The following KDM3B variants were observed in gnomAD, a reference collection of about 807,000 sequenced individuals.
KDM3B encodes the protein lysine demethylase 3B, also known as lysine-specific demethylase 3B.
In KDM3B, 10 loss-of-function variants were observed where a neutral mutation model predicts 170.0. The ratio of observed to expected loss-of-function variants is 0.06; its 90% CI spans 0.04 to 0.10. KDM3B has a LOEUF of 0.10. Ranked by LOEUF, KDM3B falls within the 10% of genes least tolerant of loss-of-function variation. The probability of loss-of-function intolerance (pLI) is 1.00; values close to 1 mark genes in which losing one functional copy is unlikely to be tolerated. For synonymous variants in KDM3B, 831 were observed against 834.8 expected, an observed-to-expected ratio of 1.00 and a Z score of 0.08; for missense variants, 1,394 against 2,195.2, an observed-to-expected ratio of 0.64 and a Z score of 7.29.
intron 6 of KDM3B, 109 bp downstream of exon 6, chr5:138,381,699 C>T (rs1297483330): frequency 1.5e-6 from 1 of 667,450 alleles, no homozygotes; most frequent in African/African-American, 1.8e-5. Context: ...AGTTGTTCAG[C>T]TTTAGCCACT....
chr5:138,414,906 A>G (rs1315012881), intron 11 of KDM3B, among the ~76,000 whole-genome samples: 2 of 152,230 alleles, frequency 1.3e-5, no homozygotes, highest in Non-Finnish European at 2.9e-5. Context: ...GCGGTGAGCC[A>G]TGATCAAGCC....
rs1580958560 is a variant in KDM3B, at chr5:138,428,062, A to C, written c.4729A>C (p.Ile1577Leu). Residue 1577 changes from isoleucine to leucine, a missense_variant, in exon 20 of 24, where the codon ATC becomes CTC. By Grantham distance (5) the Ile-to-Leu change is conservative (BLOSUM62 2). This residue lies in a region of KDM3B where 79 missense variants were observed against 270.5 expected (regional missense o/e 0.29). Transcript: ENST00000314358. ...TGTGATGGTGTATGTTGGGATTCCC[A>C]TCGGGGAGGGTGCTCATGATGAAGG... ...VNVMVYVGIP[I>L]GEGAHDEEVL... The C allele has an allele frequency of 6.2e-7, 1 of 1,613,902 alleles. No homozygotes were observed. The highest frequency in any genetic ancestry group is 1.3e-5 in the African/African-American group (1 of 74,944).
chr5:138,428,286 G>T (rs944370113), intron 20 of KDM3B, among the ~76,000 whole-genome samples, 200 bp downstream of exon 20: 3 of 151,110 alleles, frequency 2.0e-5, no homozygotes, highest in Non-Finnish European at 4.4e-5. Flanking sequence ...TTGGCTCACC[G>T]CAACCTCCGC....
At position 138,415,251 on chromosome 5, in the gene KDM3B, C is replaced by T. The variant is rs1273105999; in HGVS notation, c.3307+12C>T. ...TATTCCTGGCACAGGTAAGGAAATT[C>T]CTTTTTTAGATTTGGTGGAAGAAAT... On this transcript the variant is annotated intron_variant, in intron 12 of 23. Transcript: ENST00000314358. The T allele has an allele frequency of 3.2e-6, 5 of 1,552,776 alleles. No individual in the cohort carries two copies. The highest frequency in any genetic ancestry group is 2.2e-5 in the East Asian group (1 of 44,564).
At chr5:138,414,261 G>A (rs1173575145) in intron 11 of KDM3B, among the ~76,000 whole-genome samples, 1 of 152,126 alleles carries the variant, frequency 6.6e-6, no homozygotes, top group Non-Finnish European at 1.5e-5. Context: ...CGCCTCCTGG[G>A]TTCACGCCAT....
chr5:138,416,298 C>T (rs1763101639), intron 12 of KDM3B, among the ~76,000 whole-genome samples: 1 of 151,958 alleles, frequency 6.6e-6, no homozygotes, highest in African/African-American at 2.4e-5. Context: ...CTTAAGAAAG[C>T]TTTGCCACAG....
intron 1 of KDM3B, among the ~76,000 whole-genome samples, chr5:138,363,122 C>T (rs1057466859): frequency 9.9e-5 from 15 of 152,008 alleles, no homozygotes; most frequent in African/African-American, 2.7e-4. Flanking sequence ...GGAAAGTCTT[C>T]CATCCTCCAC....
At position 138,393,313 on chromosome 5, in the gene KDM3B, G is replaced by T; in HGVS notation, c.2772G>T (p.Lys924Asn). The T allele has an allele frequency of 6.2e-7, 1 of 1,614,206 alleles. No homozygotes were observed. The highest frequency in any genetic ancestry group is 8.5e-7 in the Non-Finnish European group (1 of 1,180,046). The change falls in exon 9 of 24, where the codon AAG (lysine) becomes AAT (asparagine). Residue 924 changes from lysine (K) to asparagine (N), a missense_variant. Transcript: ENST00000314358. ...CRECRLERYR[K>N]FKEQEQDDST... is the part of the protein sequence containing the mutation. ...AATGCCGCCTGGAGCGGTACCGGAA[G>T]TTTAAGGAACAGGAGCAAGATGATT...
chr5:138,416,277 A>G (rs1763101198), intron 12 of KDM3B, among the ~76,000 whole-genome samples: 1 of 151,830 alleles, frequency 6.6e-6, no homozygotes, highest in East Asian at 2.0e-4. Flanking sequence ...TACTGCCTAT[A>G]TTATCCTCCA....
rs891837073 is a variant in KDM3B at position 138,392,328 on chromosome 5, G to T, written c.2629+67G>T. ...GGGCTCAAATGCCTGTCGTGTTCTTGTGCAGCAGAGGCACTCACTTTGATG... is the reference window on the plus strand; with the variant it reads ...GGGCTCAAATGCCTGTCGTGTTCTTTTGCAGCAGAGGCACTCACTTTGATG... On this transcript the variant is annotated intron_variant, in intron 8 of 23. Transcript: ENST00000314358. The T allele has an allele frequency of 4.3e-6, 6 of 1,403,340 alleles. No homozygotes were observed. In the African/African-American group the frequency reaches 4.3e-5, roughly 10 times the overall value. 86.9% of individuals were successfully genotyped at this position (1,403,340 alleles called of 1,614,324 possible).
chr5:138,383,031 C>T (rs566460198), intron 6 of KDM3B, among the ~76,000 whole-genome samples: 133 of 152,270 alleles, frequency 8.7e-4, no homozygotes, highest in Non-Finnish European at 1.1e-3. Context: ...GAGTAGCTCA[C>T]TGTAAGTAGG....
rs933663498 is a variant in KDM3B at position 138,423,968 on chromosome 5, A to G, written c.3973-107A>G. 4 of 1,068,016 alleles carry G rather than the reference A, an allele frequency of 3.7e-6. No homozygotes were observed. The African/African-American group carries it at 6.3e-5, about 17-fold the overall frequency. 66.2% of individuals were successfully genotyped at this position (1,068,016 alleles called of 1,614,324 possible). On this transcript the variant is annotated intron_variant, in intron 15 of 23. Transcript: ENST00000314358. Reference sequence around the variant, plus strand: ...CATTTTAATAATTTTTGTAGAATTTAATCAGACAGGTCAGAACTCCTTGTG... The same window carrying G: ...CATTTTAATAATTTTTGTAGAATTTGATCAGACAGGTCAGAACTCCTTGTG...
chr5:138,434,260 A>C (rs1021774303), intron 23 of KDM3B, among the ~76,000 whole-genome samples: 1 of 151,876 alleles, frequency 6.6e-6, no homozygotes, highest in African/African-American at 2.4e-5. Context: ...CTTTATTTAA[A>C]AACAACAGGC....
At chr5:138,430,648 T>G (rs1237264349) in intron 22 of KDM3B, among the ~76,000 whole-genome samples, 5 of 152,210 alleles carry the variant, frequency 3.3e-5, no homozygotes, top group Non-Finnish European at 7.3e-5. Flanking sequence ...CCCAGCACTT[T>G]GGGAGGCCGA....
chr5:138,399,286 T>C (rs1762622233), intron 10 of KDM3B, among the ~76,000 whole-genome samples: 1 of 151,636 alleles, frequency 6.6e-6, no homozygotes, highest in African/African-American at 2.4e-5. Context: ...ATGCCTGTAA[T>C]CCCAGCACTT....
intron 7 of KDM3B, among the ~76,000 whole-genome samples, chr5:138,389,755 G>A (rs1033877741): frequency 6.8e-6 from 1 of 147,584 alleles, no homozygotes; most frequent in African/African-American, 2.5e-5. Context: ...ACCTACCTAT[G>A]GGTCTCTTCT....
chr5:138,358,605 CT>C (rs35026136), intron 1 of KDM3B, among the ~76,000 whole-genome samples: 58,750 of 145,304 alleles, frequency 0.4, 11,892 homozygotes, highest in East Asian at 0.58. Flanking sequence ...CGCACCCAGC[CT>C]TTTTTTTTTT....
At chr5:138,356,708 T>C (rs889174322) in intron 1 of KDM3B, among the ~76,000 whole-genome samples, 3 of 144,756 alleles carry the variant, frequency 2.1e-5, no homozygotes, top group African/African-American at 7.7e-5. Flanking sequence ...AGTGGCTCCA[T>C]CTCAGCTCAC....
At chr5:138,371,446 C>A (rs562937554) in intron 1 of KDM3B, among the ~76,000 whole-genome samples, 1 of 148,412 alleles carries the variant, frequency 6.7e-6, no homozygotes, top group Non-Finnish European at 1.5e-5. Context: ...CAAAGTGAGA[C>A]CCTGTCTCAA....
Sources: allele counts gnomAD v4.1 joint callset (sites outside exome capture counted in the v4.1 genomes callset), GRCh38; gene constraint gnomAD v4.1.1; regional missense constraint gnomAD v4.1.1; transcripts MANE v1.5; gene names NCBI Gene and HGNC (gene_info 2026-07-23, HGNC 2026-07-21).